Variants in SVEP1 observed in about 807,000 individuals in gnomAD.
SVEP1 encodes sushi, von Willebrand factor type A, EGF and pentraxin domain-containing protein 1.
SVEP1 carries 164 observed loss-of-function variants against 367.3 expected under a neutral mutation model. That is an observed-to-expected ratio of 0.45 (90% confidence interval 0.39 to 0.51). The LOEUF (loss-of-function observed/expected upper bound fraction) is 0.51. SVEP1 is among the 20% of genes least tolerant of loss of function. The pLI, the probability that SVEP1 is intolerant of heterozygous loss-of-function variation, is 0.00. For synonymous variants in SVEP1, 1,666 were observed against 1,611.6 expected (o/e 1.03, Z -0.81); for missense variants, 4,117 against 4,425.3 (o/e 0.93, Z 1.98).
chr9:110,499,512 G>C (rs1027210008), intron 6 of SVEP1, among the ~76,000 whole-genome samples: 2 of 152,032 alleles, frequency 1.3e-5, no homozygotes, highest in African/African-American at 4.8e-5. Flanking sequence ...TTTATCATTT[G>C]CTTGGAGCAC....
chr9:110,379,627 C>G (rs986386980), intron 43 of SVEP1, 110 bp from the exon 44 acceptor site: 2 of 1,068,240 alleles, frequency 1.9e-6, no homozygotes, highest in Admixed American at 2.9e-5. Context: ...ATAAGGGAAA[C>G]ATTTTCACCT....
At chr9:110,503,862 A>G (rs372337022) in intron 5 of SVEP1, among the ~76,000 whole-genome samples, 63 of 152,108 alleles carry the variant, frequency 4.1e-4, no homozygotes, top group African/African-American at 1.4e-3. Flanking sequence ...GCTGTGGTAG[A>G]GGCTTATAGT....
At chr9:110,513,865 T>C (rs1829759421) in intron 4 of SVEP1, 83 bp downstream of exon 4, 4 of 1,418,302 alleles carry the variant, frequency 2.8e-6, no homozygotes, top group Non-Finnish European at 3.8e-6. Flanking sequence ...TCATTCTAAA[T>C]GAATTAGGTG....
At chr9:110,558,513 C>CA (rs59604799) in intron 1 of SVEP1, among the ~76,000 whole-genome samples, 23,115 of 90,638 alleles carry the variant, frequency 0.26, 2,905 homozygotes, top group Middle Eastern at 0.3. Context: ...GACCCTGTCT[C>CA]AAAAAAAAAA....
At chr9:110,553,281 C>A (rs912390273) in intron 1 of SVEP1, among the ~76,000 whole-genome samples, 2 of 152,136 alleles carry the variant, frequency 1.3e-5, no homozygotes, top group Non-Finnish European at 2.9e-5. Context: ...TTCAAAAGTG[C>A]AGTGCTTGAG....
At chr9:110,514,184 T>C (rs773973333) in intron 3 of SVEP1, 78 bp from the exon 4 acceptor site, 20 of 1,532,544 alleles carry the variant, frequency 1.3e-5, no homozygotes, top group African/African-American at 4.1e-5. Context: ...GAAATTAATA[T>C]GGGAGAGAAA....
intron 36 of SVEP1, among the ~76,000 whole-genome samples, chr9:110,417,258 C>T (rs1167284524): frequency 7.1e-6 from 1 of 141,626 alleles, no homozygotes; most frequent in South Asian, 2.4e-4. Context: ...AGTGTGTGTG[C>T]GCACCGTGCG....
chr9:110,446,985 A>C lies in SVEP1; in HGVS notation c.4176T>G (p.Cys1392Trp). ...LNINECQSNP[C>W]RNQATCVDEL... ...CATCCACACAGGTGGCCTGATTTCTACATGGATTAGACTGACATTCATTGA... is the reference window on the plus strand; with the variant it reads ...CATCCACACAGGTGGCCTGATTTCTCCATGGATTAGACTGACATTCATTGA... The change falls in exon 25 of 48, where the codon TGT becomes TGG. Residue 1392 changes from cysteine to tryptophan, a missense_variant. Physicochemically the swap from Cys to Trp is radical, Grantham distance 215. Transcript: ENST00000374469. 1 of 1,547,156 alleles carries C rather than the reference A, an allele frequency of 6.5e-7. No homozygotes were observed.
At chr9:110,440,535 A>T (rs1029318792) in intron 27 of SVEP1, among the ~76,000 whole-genome samples, 3 of 152,244 alleles carry the variant, frequency 2.0e-5, no homozygotes, top group Non-Finnish European at 4.4e-5. Context: ...GGGAAAATTC[A>T]TGCATAAATA....
chr9:110,409,245 G>A (rs1828007349), intron 37 of SVEP1, among the ~76,000 whole-genome samples: 1 of 152,092 alleles, frequency 6.6e-6, no homozygotes, highest in African/African-American at 2.4e-5. Context: ...AGACCAGCCT[G>A]GCCAACATGG....
intron 2 of SVEP1, among the ~76,000 whole-genome samples, chr9:110,548,803 T>C (rs1264577902): frequency 2.0e-5 from 3 of 152,158 alleles, no homozygotes; most frequent in South Asian, 4.1e-4. Flanking sequence ...CCAAAAACTT[T>C]GGCCAGCATC....
chr9:110,369,575 G>A (rs200914948), intron 47 of SVEP1: 19 of 156,242 alleles, frequency 1.2e-4, no homozygotes, highest in African/African-American at 4.4e-4. Context: ...TTATATAACC[G>A]ATTTTTTTTA....
At chr9:110,411,784 A>G in intron 36 of SVEP1, 49 bp from the exon 37 acceptor site, 1 of 1,427,912 alleles carries the variant, frequency 7.0e-7, no homozygotes, top group East Asian at 2.5e-5. Context: ...ATATTTGAGA[A>G]AAAGTGTTTG....
At chr9:110,507,173 C>A (rs975125310) in intron 5 of SVEP1, among the ~76,000 whole-genome samples, 5 of 152,180 alleles carry the variant, frequency 3.3e-5, no homozygotes, top group Non-Finnish European at 7.4e-5. Context: ...GAATAAAGTT[C>A]AGTTTCCTCT....
intron 3 of SVEP1, among the ~76,000 whole-genome samples, chr9:110,517,575 G>A (rs997032192): frequency 6.7e-6 from 1 of 148,944 alleles, no homozygotes; most frequent in Non-Finnish European, 1.5e-5. Flanking sequence ...TCCAGCCTGG[G>A]TGGCTGAGCA....
chr9:110,515,947 T>A (rs1481426603), intron 3 of SVEP1, among the ~76,000 whole-genome samples: 5 of 151,934 alleles, frequency 3.3e-5, no homozygotes, highest in African/African-American at 1.2e-4. Context: ...CACTAAGAGT[T>A]TAAATAACTT....
chr9:110,467,265 T>C (rs1005860839), intron 17 of SVEP1, among the ~76,000 whole-genome samples: 2 of 152,234 alleles, frequency 1.3e-5, no homozygotes, highest in African/African-American at 4.8e-5. Flanking sequence ...GCAGCAAGAA[T>C]ATGTGCACAT....
chr9:110,504,142 C>T (rs905523301), intron 5 of SVEP1, among the ~76,000 whole-genome samples: 2 of 152,034 alleles, frequency 1.3e-5, no homozygotes, highest in East Asian at 1.9e-4. Flanking sequence ...GCAAGCTCCA[C>T]CTCCTGGGTT....
At chr9:110,472,390 T>A in intron 14 of SVEP1, 67 bp from the exon 15 acceptor site, 3 of 1,451,968 alleles carry the variant, frequency 2.1e-6, no homozygotes, top group Non-Finnish European at 2.7e-6. Context: ...CAGGTTCTAA[T>A]GTTAAGCCAC....
Sources: gnomAD v4.1 joint callset for allele counts (sites outside exome capture counted in the v4.1 genomes callset) on GRCh38, gnomAD v4.1.1 for gene constraint, MANE v1.5 for transcripts, NCBI Gene and HGNC (gene_info 2026-07-23, HGNC 2026-07-21) for gene names.